The following RALGDS variants were observed in gnomAD, a reference collection of about 807,000 sequenced individuals.
The protein encoded by RALGDS is ral guanine nucleotide dissociation stimulator, also known as ral guanine nucleotide exchange factor.
Under a neutral mutation model 99.8 loss-of-function variants are expected in RALGDS, and 44 were observed. The observed-to-expected ratio is 0.44, with a 90% CI of 0.35 to 0.57. The LOEUF is 0.57. Among genes scored for constraint, RALGDS ranks in the 20% least tolerant of loss-of-function variants. The probability of loss-of-function intolerance (pLI) is 0.01; values close to 1 mark genes in which losing one functional copy is unlikely to be tolerated. For missense variants in RALGDS, 1,022 were observed against 1,203.1 expected, an observed-to-expected ratio of 0.85 and a Z score of 2.23; for synonymous variants, 529 against 505.0, an observed-to-expected ratio of 1.05 and a Z score of -0.64.
chr9:133,114,195 G>A (rs1232280665), intron 1 of RALGDS, among the ~76,000 whole-genome samples: 2 of 152,194 alleles, frequency 1.3e-5, no homozygotes, highest in Non-Finnish European at 2.9e-5. Flanking sequence ...CCAACACTGA[G>A]AGCCATGCAT....
At position 133,121,114 on chromosome 9, in the gene RALGDS, C is replaced by G. The variant is rs892442376; in HGVS notation, c.41G>C (p.Gly14Ala). The change falls in exon 1 of 18, where the codon GGC (glycine) becomes GCC (alanine). Residue 14 changes from glycine (G) to alanine (A), a missense_variant. Coordinates refer to ENST00000372050, the MANE Select transcript of RALGDS (RefSeq NM_006266.4). Reference sequence around the variant, plus strand: ...GCCCGGAAACAGCGGCTCGGCGCCGCCAGCAGGCCCGGCCGCCTCGGCCCA... The same window carrying G: ...GCCCGGAAACAGCGGCTCGGCGCCGGCAGCAGGCCCGGCCGCCTCGGCCCA... ...RMWAEAAGPAGGAEPLFPGSR... is the reference protein window; with the variant it reads ...RMWAEAAGPAAGAEPLFPGSR... The G allele has an allele frequency of 6.8e-7, 1 of 1,466,092 alleles. No individual in the cohort carries two copies. Among genetic ancestry groups the G allele is most frequent in the Non-Finnish European group, 9.0e-7 (1 of 1,114,402 alleles). The allele number at this position is 1,466,092 out of a possible 1,614,324, so 90.8% of individuals were successfully genotyped here.
intron 9 of RALGDS, 24 bp downstream of exon 9, chr9:133,105,908 C>CGCCCCAGCCCCT: frequency 9.8e-7 from 1 of 1,016,214 alleles, no homozygotes; most frequent in Non-Finnish European, 1.4e-6. Context: ...CCCCAGCCCC[C>CGCCCCAGCCCCT]GCCCCAGCCT....
chr9:133,106,553 G>T, intron 8 of RALGDS, 92 bp downstream of exon 8: 2 of 991,250 alleles, frequency 2.0e-6, no homozygotes, highest in African/African-American at 1.6e-5. Flanking sequence ...TGCCCTCAGG[G>T]TTTGTGGCCT....
At position 133,102,041 on chromosome 9, in the gene RALGDS, A is replaced by G; in HGVS notation, c.2108T>C (p.Ile703Thr). ...RCGPYLSSGD[I>T]ADALSVHSAG... The stretch of plus-strand genomic sequence containing the variant: ...CGAGTGCACGCTGAGCGCGTCAGCG[A>G]TGTCCCCGCTGCTGAGGTAGGGGCC... The change falls in exon 15 of 18, where the codon ATC becomes ACC. Residue 703 changes from isoleucine (I) to threonine (T), a missense_variant. Physicochemically the swap from Ile to Thr is moderately conservative, Grantham distance 89 (BLOSUM62 -1). Coordinates refer to ENST00000372050, the MANE Select transcript of RALGDS (RefSeq NM_006266.4). 6.4e-7 allele frequency: 1 copy of G among 1,558,754 alleles called. No homozygotes were observed. The highest frequency in any genetic ancestry group is 1.4e-5 in the African/African-American group (1 of 73,662).
intron 1 of RALGDS, among the ~76,000 whole-genome samples, chr9:133,113,428 C>T (rs1050468221): frequency 7.2e-5 from 11 of 152,200 alleles, no homozygotes; most frequent in African/African-American, 1.4e-4. Context: ...TCGCCTCCCA[C>T]GCTGGGCTTT....
chr9:133,130,853 C>T (rs978966869), intron 1 of RALGDS: 5 of 1,197,268 alleles, frequency 4.2e-6, no homozygotes, highest in Non-Finnish European at 5.8e-6. Context: ...GACGCTCCTT[C>T]CATCCTGACC....
At chr9:133,141,934 G>A (rs533410946) in intron 1 of RALGDS, among the ~76,000 whole-genome samples, 18 of 152,330 alleles carry the variant, frequency 1.2e-4, no homozygotes, top group African/African-American at 3.4e-4. Context: ...TCCAGCCCCA[G>A]GCCAGGGAGC....
At position 133,130,781 on chromosome 9, in the gene RALGDS, G is replaced by C. The variant is rs573777172; in HGVS notation, c.132+171C>G. Among the ~76,000 whole-genome samples the C allele has an allele frequency of 2.6e-5, 4 of 152,302 alleles. No homozygotes were observed. The South Asian group carries it at 8.3e-4, about 32-fold the overall frequency. ...GTGGAAAGACTGAGCCCCAGAGAGAGCAGGGACTTGCCCAAGATCTCACAG... is the reference window on the plus strand; with the variant it reads ...GTGGAAAGACTGAGCCCCAGAGAGACCAGGGACTTGCCCAAGATCTCACAG... On this transcript the variant is annotated intron_variant, in intron 1 of 17. Transcript: ENST00000372062.
At chr9:133,116,386 T>C (rs1430511629) in intron 1 of RALGDS, among the ~76,000 whole-genome samples, 3 of 152,240 alleles carry the variant, frequency 2.0e-5, no homozygotes, top group East Asian at 3.8e-4. Flanking sequence ...CAACCAGTGC[T>C]GAGCCCCGCA....
chr9:133,121,226 G>T lies in RALGDS; in HGVS notation c.-72C>A. ...GGCGGCGGCGCGGCCCGCGCGGCTG[G>T]GCTTTGCCACCGCTGTGAGCCCGCG... is the stretch of plus-strand genomic sequence containing the variant. On this transcript the variant is annotated 5_prime_UTR_variant, in exon 1 of 18. Coordinates refer to ENST00000372050, the MANE Select transcript of RALGDS (RefSeq NM_006266.4). 2 of 978,374 alleles carry T rather than the reference G, an allele frequency of 2.0e-6. No individual in the cohort carries two copies. The highest frequency in any genetic ancestry group is 1.2e-6 in the Non-Finnish European group (1 of 824,364). 60.6% of individuals were successfully genotyped at this position (978,374 alleles called of 1,614,324 possible). A position where few individuals can be genotyped will look rare whatever the true frequency, so the allele number is the denominator to read the frequency against.
chr9:133,106,043 G>A, intron 8 of RALGDS, 27 bp from the exon 9 acceptor site: 1 of 1,574,848 alleles, frequency 6.3e-7, no homozygotes, highest in East Asian at 2.3e-5. Context: ...GAAGGAAAGA[G>A]AAAGCTGGGA....
At chr9:133,120,357 A>C (rs1588551345) in intron 1 of RALGDS, among the ~76,000 whole-genome samples, 1 of 147,768 alleles carries the variant, frequency 6.8e-6, no homozygotes, top group Non-Finnish European at 1.5e-5. Context: ...GGCCTGGGCC[A>C]CCCTCCTCCC....
At position 133,144,938 on chromosome 9, in the gene RALGDS, A is replaced by C. The variant is rs1229619480; in HGVS notation, c.18+4025T>G. Among the ~76,000 whole-genome samples the C allele has an allele frequency of 1.3e-5, 2 of 152,218 alleles. No individual in the cohort carries two copies. Among genetic ancestry groups the C allele is most frequent in the Non-Finnish European group, 2.9e-5 (2 of 68,032 alleles). Reference sequence around the variant, plus strand: ...GACTGCTATCCTTATGATAACAGGGAAAATTGGACAGACACGCACAGGCGG... The same window carrying C: ...GACTGCTATCCTTATGATAACAGGGCAAATTGGACAGACACGCACAGGCGG... On this transcript the variant is annotated intron_variant, in intron 1 of 17. Transcript: ENST00000393160. The surrounding 1 kb of genome is among the most constrained non-coding windows in gnomAD (Gnocchi z 4.5).
In RALGDS at chr9:133,102,158, T is replaced by C; in HGVS notation, c.2010-19A>G. ...CTGGCGGCTGGGTGAAGAGTTGGCT[T>C]AGTTAAGGGGGCTCCCCAAGGACAC... On this transcript the variant is annotated intron_variant, in intron 14 of 17. Coordinates refer to ENST00000372050, the MANE Select transcript of RALGDS (RefSeq NM_006266.4). The C allele has an allele frequency of 1.3e-6, 2 of 1,553,912 alleles. No individual in the cohort carries two copies. Among genetic ancestry groups the C allele is most frequent in the Non-Finnish European group, 8.7e-7 (1 of 1,147,402 alleles).
At chr9:133,143,118 G>GC in intron 1 of RALGDS, among the ~76,000 whole-genome samples, 1 of 152,376 alleles carries the variant, frequency 6.6e-6, no homozygotes, top group African/African-American at 2.4e-5. Context: ...GCAGGGGACA[G>GC]AGGGAAGGAC....
chr9:133,142,872 T>C (rs1832548142), intron 1 of RALGDS, among the ~76,000 whole-genome samples: 1 of 152,192 alleles, frequency 6.6e-6, no homozygotes, highest in East Asian at 1.9e-4. Context: ...CCACTGTAAT[T>C]GGAAGGAATG....
At chr9:133,133,048 T>TC, upstream of RALGDS, among the ~76,000 whole-genome samples, 1 of 152,290 alleles carries the variant, frequency 6.6e-6, no homozygotes, top group East Asian at 1.9e-4. Flanking sequence ...GACAAGCAGC[T>TC]CCCGGGTACC....
chr9:133,101,112 G>A, intron 16 of RALGDS: 1 of 1,127,330 alleles, frequency 8.9e-7, no homozygotes, highest in Non-Finnish European at 1.1e-6. Flanking sequence ...TCCCAGCCTG[G>A]TTGCCACAGC....
At position 133,103,221 on chromosome 9, in the gene RALGDS, G is replaced by A; in HGVS notation, c.1791+9C>T. On this transcript the variant is annotated intron_variant, in intron 12 of 17. Transcript: ENST00000372050. Reference sequence around the variant, plus strand: ...CCTCCCCAAGTCAGGGCTGCCTGCAGCTGCTTACCTTCCTCCTCTTCTCAA... The same window carrying A: ...CCTCCCCAAGTCAGGGCTGCCTGCAACTGCTTACCTTCCTCCTCTTCTCAA... 2 of 1,613,868 alleles carry A rather than the reference G, an allele frequency of 1.2e-6. No individual in the cohort carries two copies. The highest frequency in any genetic ancestry group is 1.7e-6 in the Non-Finnish European group (2 of 1,180,006).
Sources: gnomAD v4.1 joint callset for allele counts (sites outside exome capture counted in the v4.1 genomes callset) on GRCh38, gnomAD v4.1.1 for gene constraint, Gnocchi (gnomAD v3.1) non-coding constraint, MANE v1.5 for transcripts, NCBI Gene and HGNC (gene_info 2026-07-23, HGNC 2026-07-21) for gene names.